PLXNA2: variants seen among roughly 807,000 people sequenced by gnomAD.
The protein encoded by PLXNA2 is plexin-A2.
A neutral mutation model predicts 193.5 loss-of-function variants in PLXNA2; 91 were observed. That is an observed-to-expected ratio of 0.47 (90% confidence interval 0.40 to 0.56). PLXNA2 has a LOEUF of 0.56. Ranked by LOEUF, PLXNA2 falls within the 20% of genes least tolerant of loss-of-function variation. The probability of loss-of-function intolerance (pLI) is 0.00; values close to 1 mark genes in which losing one functional copy is unlikely to be tolerated. For missense variants in PLXNA2, 1,995 were observed against 2,503.2 expected, an observed-to-expected ratio of 0.80 and a Z score of 4.33; for synonymous variants, 997 against 1,027.3, an observed-to-expected ratio of 0.97 and a Z score of 0.56.
At chr1:208,047,453 T>C (rs1031743739) in intron 17 of PLXNA2, among the ~76,000 whole-genome samples, 3 of 133,810 alleles carry the variant, frequency 2.2e-5, no homozygotes, top group African/African-American at 5.3e-5. Context: ...CATTCTCTCC[T>C]GTGGAGGTTT....
At chr1:208,078,405 G>A (rs1666228236) in intron 12 of PLXNA2, among the ~76,000 whole-genome samples, 1 of 152,146 alleles carries the variant, frequency 6.6e-6, no homozygotes, top group South Asian at 2.1e-4. Context: ...TGGCCAGCAG[G>A]GAAAATGAAG....
At chr1:208,074,180 T>C (rs1314708957) in intron 12 of PLXNA2, among the ~76,000 whole-genome samples, 1 of 152,174 alleles carries the variant, frequency 6.6e-6, no homozygotes, top group African/African-American at 2.4e-5. Context: ...CATGGCCCCT[T>C]AAGAAATGTT....
intron 5 of PLXNA2, among the ~76,000 whole-genome samples, chr1:208,100,239 C>A (rs1047366597): frequency 6.6e-6 from 1 of 151,944 alleles, no homozygotes; most frequent in Non-Finnish European, 1.5e-5. Flanking sequence ...TATGGTGGCA[C>A]ACGCCTCTAG....
chr1:208,162,069 C>A (rs2102515764), intron 3 of PLXNA2, among the ~76,000 whole-genome samples: 1 of 152,266 alleles, frequency 6.6e-6, no homozygotes, highest in East Asian at 1.9e-4. Flanking sequence ...AAGCGTAAAT[C>A]CTGCTTGTAG....
chr1:208,129,270 G>C (rs1378282408), intron 4 of PLXNA2, among the ~76,000 whole-genome samples: 2 of 152,206 alleles, frequency 1.3e-5, no homozygotes, highest in Admixed American at 6.5e-5. Flanking sequence ...AGCTCTGCCA[G>C]AGCTAGCATC....
chr1:208,131,220 C>T (rs1668140151), intron 4 of PLXNA2, among the ~76,000 whole-genome samples: 1 of 152,184 alleles, frequency 6.6e-6, no homozygotes, highest in South Asian at 2.1e-4. Flanking sequence ...TCCCCTTTGC[C>T]TCTGCCCCTC....
At chr1:208,132,471 C>A (rs979271773) in intron 4 of PLXNA2, among the ~76,000 whole-genome samples, 4 of 152,162 alleles carry the variant, frequency 2.6e-5, no homozygotes, top group Non-Finnish European at 4.4e-5. Flanking sequence ...GGGCAAATTA[C>A]TTAGTCAGTT....
chr1:208,171,685 C>T (rs12137551), intron 3 of PLXNA2, among the ~76,000 whole-genome samples: 1,768 of 152,008 alleles, frequency 0.012, 27 homozygotes, highest in Non-Finnish European at 0.017. Context: ...CCTGTTTCTG[C>T]GATAAATAAA....
chr1:208,152,860 T>TGC lies in PLXNA2; in HGVS notation c.1372-10398_1372-10397insGC, dbSNP rs1473469252. ...GTCTTCACGCCTTTGCTTGACAATT[T>TGC]ATTCTACCTCCTAGATCCTAACCAT... On this transcript the variant is annotated intron_variant, in intron 3 of 31. Coordinates refer to ENST00000367033, the MANE Select transcript of PLXNA2 (RefSeq NM_025179.4). 1.1e-3 allele frequency among the ~76,000 whole-genome samples: 174 copies of TGC among 152,180 alleles called. 1 individual carries two copies. The highest frequency in any genetic ancestry group is 4.1e-3 in the African/African-American group (169 of 41,526).
intron 3 of PLXNA2, among the ~76,000 whole-genome samples, chr1:208,189,836 T>A (rs527622055): frequency 4.6e-5 from 7 of 152,124 alleles, no homozygotes; most frequent in African/African-American, 1.7e-4. Context: ...GAGCTACAAA[T>A]AAAATCCCAC....
chr1:208,028,173 G>C lies in PLXNA2; in HGVS notation c.5439-14C>G, dbSNP rs200938303. 2 of 1,596,996 alleles carry C rather than the reference G, an allele frequency of 1.3e-6. No homozygotes were observed. The highest frequency in any genetic ancestry group is 1.7e-6 in the Non-Finnish European group (2 of 1,171,160). On this transcript the variant is annotated splice_polypyrimidine_tract_variant and intron_variant, in intron 30 of 31. Coordinates refer to ENST00000367033, the MANE Select transcript of PLXNA2 (RefSeq NM_025179.4). The surrounding 1 kb of genome is among the most constrained non-coding windows in gnomAD (Gnocchi z 4.2). ...TCTGCGTAGTATCTGCCAGAGACAG[G>C]ATAGGCGCCTTGGTGGAGGCCTCAG...
chr1:208,032,655 C>T (rs1382655137), intron 28 of PLXNA2, among the ~76,000 whole-genome samples: 3 of 152,122 alleles, frequency 2.0e-5, no homozygotes, highest in African/African-American at 7.2e-5. Flanking sequence ...TATTTTGCTA[C>T]CTGCTAGGAA....
intron 3 of PLXNA2, among the ~76,000 whole-genome samples, chr1:208,181,193 C>A (rs1045967335): frequency 6.6e-6 from 1 of 152,172 alleles, no homozygotes. Flanking sequence ...GAGGACAATC[C>A]CATCTACCAC....
At chr1:208,103,273 A>T in intron 4 of PLXNA2, 26 bp from the exon 5 acceptor site, 1 of 1,572,840 alleles carries the variant, frequency 6.4e-7, no homozygotes, top group Non-Finnish European at 8.7e-7. Flanking sequence ...AAGAGGGTAC[A>T]GTGAGGTTAG....
At chr1:208,099,125 TCAGA>T (rs1327348125) in intron 5 of PLXNA2, among the ~76,000 whole-genome samples, 156 bp from the exon 6 acceptor site, 2 of 152,220 alleles carry the variant, frequency 1.3e-5, no homozygotes, top group South Asian at 2.1e-4. Context: ...TTGGTGACTC[TCAGA>T]CAGTCTCCGT....
In PLXNA2 at chr1:208,028,774, A is replaced by T; in HGVS notation, c.5438+56T>A. The T allele has an allele frequency of 6.7e-7, 1 of 1,500,960 alleles. No homozygotes were observed. The highest frequency in any genetic ancestry group is 9.2e-7 in the Non-Finnish European group (1 of 1,088,010). 93.0% of individuals were successfully genotyped at this position (1,500,960 alleles called of 1,614,324 possible). ...AGTCCTTAGTCAGTGATGACTATAGAGCGGGGAATGGGCAGGGAGACAAGG... is the reference window on the plus strand; with the variant it reads ...AGTCCTTAGTCAGTGATGACTATAGTGCGGGGAATGGGCAGGGAGACAAGG... On this transcript the variant is annotated intron_variant, in intron 30 of 31. Coordinates refer to ENST00000367033, the MANE Select transcript of PLXNA2 (RefSeq NM_025179.4). The surrounding 1 kb of genome is among the most constrained non-coding windows in gnomAD (Gnocchi z 4.2).
chr1:208,183,994 A>G (rs961283168), intron 3 of PLXNA2, among the ~76,000 whole-genome samples: 3 of 152,210 alleles, frequency 2.0e-5, no homozygotes, highest in African/African-American at 4.8e-5. Flanking sequence ...ATATATGTCA[A>G]TCTCTCAATA....
chr1:208,040,298 C>G, intron 22 of PLXNA2: 1 of 560,712 alleles, frequency 1.8e-6, no homozygotes, highest in Non-Finnish European at 3.2e-6. Context: ...CTTTTCAGCC[C>G]TGATGGTCCG....
chr1:208,198,232 C>T (rs1201772036), intron 3 of PLXNA2, among the ~76,000 whole-genome samples: 1 of 152,216 alleles, frequency 6.6e-6, no homozygotes, highest in Non-Finnish European at 1.5e-5. Context: ...CTTAATGTCT[C>T]TTCCAATTTT....
Sources: gnomAD v4.1 joint callset for allele counts (sites outside exome capture counted in the v4.1 genomes callset) on GRCh38, gnomAD v4.1.1 for gene constraint, Gnocchi (gnomAD v3.1) non-coding constraint, MANE v1.5 for transcripts, NCBI Gene and HGNC (gene_info 2026-07-23, HGNC 2026-07-21) for gene names.